The following CTBP2 variants were observed in gnomAD, a reference collection of about 807,000 sequenced individuals.
CTBP2 encodes C-terminal binding protein 2.
CTBP2 carries 30 observed loss-of-function variants against 80.3 expected under a neutral mutation model. The ratio of observed to expected loss-of-function variants is 0.37; its 90% CI spans 0.28 to 0.51. The LOEUF is 0.51. CTBP2 is among the 20% of genes least tolerant of loss of function. CTBP2 has a pLI of 0.93. For synonymous variants in CTBP2, 594 were observed against 587.4 expected (o/e 1.01, Z -0.16); for missense variants, 1,212 against 1,375.3 (o/e 0.88, Z 1.88).
chr10:125,070,758 G>C (rs1010464136), intron 2 of CTBP2, among the ~76,000 whole-genome samples: 1 of 151,930 alleles, frequency 6.6e-6, no homozygotes, highest in South Asian at 2.1e-4. Flanking sequence ...CTCCGCTTCT[G>C]GAGTTCAAGT....
Position 125,028,027 on chromosome 10 carries a change from G to T in CTBP2, c.-268C>A. On this transcript the variant is annotated 5_prime_UTR_variant, in exon 1 of 9. Coordinates refer to ENST00000309035, the MANE Select transcript of CTBP2 (RefSeq NM_022802.3). The stretch of plus-strand genomic sequence containing the variant: ...CCTTACAGCTCAGTCCCGGAGAGGA[G>T]GCTGTCCCCAGCCTGCCAGGTCCCC... The T allele has an allele frequency of 1.2e-6, 1 of 867,346 alleles. No individual in the cohort carries two copies. The highest frequency in any genetic ancestry group is 1.5e-6 in the Non-Finnish European group (1 of 654,988). The allele number at this position is 867,346 out of a possible 1,614,324, so 53.7% of individuals were successfully genotyped here.
upstream of CTBP2, chr10:125,032,919 G>A (rs1958411506): frequency 6.5e-6 from 1 of 154,684 alleles, no homozygotes; most frequent in South Asian, 2.0e-4. Flanking sequence ...GCTAGGCAAA[G>A]CACCCACCGC....
At chr10:125,054,868 C>G (rs569203728) in intron 2 of CTBP2, among the ~76,000 whole-genome samples, 1 of 152,314 alleles carries the variant, frequency 6.6e-6, no homozygotes, top group Admixed American at 6.5e-5. Flanking sequence ...TCTGTAAACT[C>G]TTGGGGTAAA....
At chr10:125,138,301 C>G (rs1029544484) in intron 1 of CTBP2, 8 of 152,190 alleles carry the variant, frequency 5.3e-5, no homozygotes, top group African/African-American at 1.9e-4. Context: ...AACGGAGTCA[C>G]GCTGGGTGAT....
At chr10:125,141,947 CAGCGGCTATGGCGGACGA>C (rs879535183) in intron 1 of CTBP2, among the ~76,000 whole-genome samples, 2 of 152,162 alleles carry the variant, frequency 1.3e-5, no homozygotes, top group Non-Finnish European at 2.9e-5. Flanking sequence ...GACCTGGAGC[CAGCGGCTATGGCGGACGA>C]AGAGGCACCT....
chr10:125,007,106 C>T (rs1207814786), intron 1 of CTBP2, among the ~76,000 whole-genome samples: 1 of 152,242 alleles, frequency 6.6e-6, no homozygotes, highest in Non-Finnish European at 1.5e-5. Context: ...TTTCTACCGT[C>T]TCCCGCCAGT....
chr10:125,142,716 C>T (rs142969468), intron 1 of CTBP2, among the ~76,000 whole-genome samples: 80 of 152,298 alleles, frequency 5.3e-4, no homozygotes, highest in Middle Eastern at 3.4e-3. Context: ...AAATCCTCTG[C>T]GGCCCCCAAG....
At chr10:125,041,516 C>G (rs1010322828) in intron 2 of CTBP2, among the ~76,000 whole-genome samples, 5 of 128,718 alleles carry the variant, frequency 3.9e-5, no homozygotes, top group East Asian at 2.6e-4. Context: ...CCCCCCCCCC[C>G]CCACCCACAA....
chr10:124,990,416 A>C (rs1162241800), intron 8 of CTBP2, among the ~76,000 whole-genome samples: 2 of 152,222 alleles, frequency 1.3e-5, no homozygotes, highest in East Asian at 3.8e-4. Flanking sequence ...TTTTTATATA[A>C]AACACTGGCA....
chr10:125,051,190 T>C (rs1056178127), intron 2 of CTBP2, among the ~76,000 whole-genome samples: 2 of 152,162 alleles, frequency 1.3e-5, no homozygotes, highest in African/African-American at 4.8e-5. Flanking sequence ...ATCCCAAGTT[T>C]ATGTCCCCAC....
chr10:125,029,881 G>C (rs1958005038), upstream of CTBP2, among the ~76,000 whole-genome samples: 1 of 152,168 alleles, frequency 6.6e-6, no homozygotes, highest in Non-Finnish European at 1.5e-5. Context: ...TCTTCAGAGA[G>C]GTTACTGAGC....
chr10:125,112,403 G>T (rs1389985085), intron 1 of CTBP2, among the ~76,000 whole-genome samples: 3 of 140,892 alleles, frequency 2.1e-5, no homozygotes, highest in Admixed American at 7.2e-5. Flanking sequence ...GTGAGCCACC[G>T]CGCCCAGCCA....
chr10:125,098,657 GGAGA>G (rs565818097), intron 2 of CTBP2, among the ~76,000 whole-genome samples: 1,724 of 44,374 alleles, frequency 0.039, 51 homozygotes, highest in African/African-American at 0.073. Flanking sequence ...TGGGGGAGGG[GGAGA>G]GAGAGAGAGA....
In CTBP2 at chr10:125,092,903, G is replaced by A. The variant is rs191479033; in HGVS notation, c.-102+18087C>T. On this transcript the variant is annotated intron_variant, in intron 2 of 10. Transcript: ENST00000337195. ...ACACACAGCGCCAGGAAAACAGCCC[G>A]CCTTCTAGAGTGGGGGGGGGCAGCA... Among the ~76,000 whole-genome samples, 35 of 152,084 alleles carry A rather than the reference G, an allele frequency of 2.3e-4. No individual in the cohort carries two copies. In the East Asian group the frequency reaches 5.0e-3, roughly 22 times the overall value.
intron 3 of CTBP2, among the ~76,000 whole-genome samples, chr10:125,038,671 G>T (rs112770305): frequency 1.3e-5 from 2 of 152,136 alleles, no homozygotes; most frequent in African/African-American, 4.8e-5. Flanking sequence ...GAGATTTCAG[G>T]AAGTGAAAAA....
At chr10:125,089,465 G>A (rs936898193) in intron 2 of CTBP2, among the ~76,000 whole-genome samples, 3 of 152,294 alleles carry the variant, frequency 2.0e-5, no homozygotes, top group East Asian at 3.9e-4. Context: ...GGTCAACCTG[G>A]AGCTATTAAA....
intron 5 of CTBP2, 123 bp downstream of exon 7, chr10:124,994,346 C>CTCT: frequency 4.2e-6 from 4 of 959,616 alleles, no homozygotes; most frequent in Non-Finnish European, 6.4e-6. Flanking sequence ...GTTGCAGGGC[C>CTCT]TCTTCCCTGC....
intron 3 of CTBP2, among the ~76,000 whole-genome samples, chr10:125,038,364 C>T (rs1159434782): frequency 6.6e-6 from 1 of 152,142 alleles, no homozygotes; most frequent in Non-Finnish European, 1.5e-5. Context: ...CCCTGTAGCA[C>T]TGACCCCATC....
chr10:125,147,987 C>T (rs1245709421), intron 1 of CTBP2, among the ~76,000 whole-genome samples: 2 of 152,144 alleles, frequency 1.3e-5, no homozygotes, highest in African/African-American at 2.4e-5. Context: ...ATCCTTACAA[C>T]ACACCCTCTC....
Sources: allele counts gnomAD v4.1 joint callset (sites outside exome capture counted in the v4.1 genomes callset), GRCh38; gene constraint gnomAD v4.1.1; transcripts MANE v1.5; gene names NCBI Gene and HGNC (gene_info 2026-07-23, HGNC 2026-07-21).